ASAP1: variants seen among roughly 807,000 people sequenced by gnomAD.
ASAP1 encodes ArfGAP with SH3 domain, ankyrin repeat and PH domain 1.
In ASAP1, 43 loss-of-function variants were observed where a neutral mutation model predicts 145.2. The ratio of observed to expected loss-of-function variants is 0.30; its 90% CI spans 0.23 to 0.38. The LOEUF is 0.38. Among genes scored for constraint, ASAP1 ranks in the 10% least tolerant of loss-of-function variants. The pLI, the probability that ASAP1 is intolerant of heterozygous loss-of-function variation, is 1.00. For synonymous variants in ASAP1, 546 were observed against 515.5 expected, an observed-to-expected ratio of 1.06 and a Z score of -0.80; for missense variants, 1,018 against 1,355.3, an observed-to-expected ratio of 0.75 and a Z score of 3.91.
chr8:130,335,128 C>T (rs928608178), intron 3 of ASAP1, among the ~76,000 whole-genome samples: 7 of 152,186 alleles, frequency 4.6e-5, no homozygotes, highest in Non-Finnish European at 1.0e-4. Context: ...TACTTTTTGC[C>T]TATTACTTCC....
At chr8:130,179,781 CAAAAATT>C (rs1814218065) in intron 8 of ASAP1, among the ~76,000 whole-genome samples, 1 of 151,932 alleles carries the variant, frequency 6.6e-6, no homozygotes, top group African/African-American at 2.4e-5. Context: ...TTTTACTACT[CAAAAATT>C]AAAGAATAAA....
rs756174866 is a variant in ASAP1 at position 130,060,689 on chromosome 8, G to T, written c.3082C>A (p.Pro1028Thr). Residue 1028 changes from proline (P) to threonine (T), a missense_variant, in exon 28 of 30, where the codon CCA becomes ACA. By Grantham distance (38) the Pro-to-Thr change is conservative. Transcript: ENST00000518721. ...ATGGCGTCTCTGGACTGCACATTTG[G>T]GGATAGATCCAATGGGTGTGACTTC... ...TLKSHPLDLS[P>T]NVQSRDAIQK... 1 of 1,614,154 alleles carries T rather than the reference G, an allele frequency of 6.2e-7. No homozygotes were observed. The highest frequency in any genetic ancestry group is 1.7e-5 in the Admixed American group (1 of 60,010).
At chr8:130,134,170 C>T (rs750957179) in intron 15 of ASAP1, 126 bp downstream of exon 15, 19 of 625,616 alleles carry the variant, frequency 3.0e-5, no homozygotes, top group Admixed American at 1.4e-4. Flanking sequence ...GGCCCACAGG[C>T]GGGAAAGAAG....
intron 3 of ASAP1, among the ~76,000 whole-genome samples, chr8:130,245,615 G>A (rs755839106): frequency 2.0e-5 from 3 of 152,160 alleles, no homozygotes; most frequent in South Asian, 2.1e-4. Context: ...AAACTAGCTC[G>A]CAAAAGTCTG....
intron 11 of ASAP1, among the ~76,000 whole-genome samples, chr8:130,165,799 C>T (rs2097678788): frequency 6.6e-6 from 1 of 152,182 alleles, no homozygotes; most frequent in Non-Finnish European, 1.5e-5. Flanking sequence ...CTTATATTCA[C>T]TCAATAAAGA....
At chr8:130,364,802 A>C (rs11778072) in intron 2 of ASAP1, among the ~76,000 whole-genome samples, 5,285 of 152,180 alleles carry the variant, frequency 0.035, 125 homozygotes, top group Middle Eastern at 0.065. Context: ...CTCAGCAACA[A>C]ATAGCTCTGT....
At chr8:130,294,723 G>C (rs991551208) in intron 3 of ASAP1, among the ~76,000 whole-genome samples, 1 of 152,190 alleles carries the variant, frequency 6.6e-6, no homozygotes, top group Non-Finnish European at 1.5e-5. Flanking sequence ...AATGAAAACA[G>C]AGAATTATTT....
At chr8:130,327,954 C>T (rs940496348) in intron 3 of ASAP1, among the ~76,000 whole-genome samples, 2 of 151,950 alleles carry the variant, frequency 1.3e-5, no homozygotes, top group African/African-American at 4.8e-5. Context: ...TGGAGAAATG[C>T]TCAATATAAA....
intron 27 of ASAP1, among the ~76,000 whole-genome samples, chr8:130,070,463 G>A (rs1416272060): frequency 6.6e-6 from 1 of 152,138 alleles, no homozygotes; most frequent in Non-Finnish European, 1.5e-5. Context: ...AATTGGACAT[G>A]CCCAAGCCTG....
chr8:130,427,671 T>C (rs1222338655), intron 1 of ASAP1: 1 of 152,226 alleles, frequency 6.6e-6, no homozygotes, highest in East Asian at 1.9e-4. Flanking sequence ...CAGGACTATG[T>C]GATACCAGAG....
At chr8:130,165,206 A>C (rs940844094) in intron 11 of ASAP1, among the ~76,000 whole-genome samples, 72 of 152,346 alleles carry the variant, frequency 4.7e-4, no homozygotes, top group African/African-American at 1.6e-3. Context: ...TTAAGTCTCC[A>C]TGCAAAACAA....
chr8:130,282,091 G>T (rs1389944657), intron 3 of ASAP1, among the ~76,000 whole-genome samples: 2 of 149,800 alleles, frequency 1.3e-5, no homozygotes, highest in Non-Finnish European at 3.0e-5. Flanking sequence ...AAAAGGAATG[G>T]CATGGCAAAA....
In ASAP1 at chr8:130,117,159, G is replaced by A. The variant is rs190191826; in HGVS notation, c.1881-164C>T. Among the ~76,000 whole-genome samples the A allele has an allele frequency of 3.7e-4, 56 of 152,302 alleles. No homozygotes were observed. In the East Asian group the frequency reaches 6.5e-3, roughly 18 times the overall value. ...AACCTAGATTTATAAGCAATACAGTGATAACAGGCAGTATTTATTTAGAGT... is the reference window on the plus strand; with the variant it reads ...AACCTAGATTTATAAGCAATACAGTAATAACAGGCAGTATTTATTTAGAGT... On this transcript the variant is annotated intron_variant, in intron 20 of 29. Coordinates refer to ENST00000518721, the MANE Select transcript of ASAP1 (RefSeq NM_018482.4).
intron 3 of ASAP1, among the ~76,000 whole-genome samples, chr8:130,242,755 A>T (rs1204105432): frequency 6.6e-6 from 1 of 152,172 alleles, no homozygotes; most frequent in Admixed American, 6.6e-5. Context: ...GTCCAATGTG[A>T]TCATGAGTAG....
rs1421354545 is a variant in ASAP1 at position 130,164,528 on chromosome 8, C to CTGCAGTGAGCGAGA, written c.909+2994_909+3007dup. Among the ~76,000 whole-genome samples, 4 of 152,238 alleles carry CTGCAGTGAGCGAGA rather than the reference C, an allele frequency of 2.6e-5. No homozygotes were observed. In the East Asian group the frequency reaches 5.8e-4, roughly 22 times the overall value. ...ATCACTTGAACCTGGGAGGCAGAGG[C>CTGCAGTGAGCGAGA]TGCAGTGAGCGAGATTTGTACCACT... On this transcript the variant is annotated intron_variant, in intron 11 of 29. Coordinates refer to ENST00000518721, the MANE Select transcript of ASAP1 (RefSeq NM_018482.4).
chr8:130,258,457 C>G (rs953311535), intron 3 of ASAP1, among the ~76,000 whole-genome samples: 3 of 152,182 alleles, frequency 2.0e-5, no homozygotes, highest in Admixed American at 2.0e-4. Context: ...ACCCTTAAGT[C>G]CCACGGATGT....
chr8:130,439,218 GC>G (rs1275643120), intron 1 of ASAP1, among the ~76,000 whole-genome samples: 1 of 152,116 alleles, frequency 6.6e-6, no homozygotes, highest in Non-Finnish European at 1.5e-5. Context: ...TATGCAAGTG[GC>G]CTCCTGATAC....
chr8:130,107,351 TTTTG>T (rs1409938412), intron 24 of ASAP1, among the ~76,000 whole-genome samples: 1 of 151,138 alleles, frequency 6.6e-6, no homozygotes, highest in African/African-American at 2.4e-5. Flanking sequence ...CCCGGCTAAT[TTTTG>T]TTTGTATTTT....
chr8:130,423,849 G>A (rs766767966), intron 1 of ASAP1, among the ~76,000 whole-genome samples: 1 of 152,036 alleles, frequency 6.6e-6, no homozygotes, highest in African/African-American at 2.4e-5. Flanking sequence ...ACATTTGGAG[G>A]AGAAAAAGTA....
Sources: allele counts gnomAD v4.1 joint callset (sites outside exome capture counted in the v4.1 genomes callset), GRCh38; gene constraint gnomAD v4.1.1; transcripts MANE v1.5; gene names NCBI Gene and HGNC (gene_info 2026-07-23, HGNC 2026-07-21).